BUB1: variants seen among roughly 807,000 people sequenced by gnomAD.
BUB1 encodes the protein BUB1 mitotic checkpoint serine/threonine kinase.
Under a neutral mutation model 135.2 loss-of-function variants are expected in BUB1, and 84 were observed. The ratio of observed to expected loss-of-function variants is 0.62; its 90% CI spans 0.52 to 0.74. The LOEUF is 0.74. Among genes scored for constraint, BUB1 ranks in the 30% least tolerant of loss-of-function variants. BUB1 has a pLI of 0.00. For synonymous variants in BUB1, 403 were observed against 434.4 expected (o/e 0.93, Z 0.90); for missense variants, 1,162 against 1,288.3 (o/e 0.90, Z 1.50).
chr2:110,667,687 C>G lies in BUB1; in HGVS notation c.639G>C (p.Thr213=). The G allele has an allele frequency of 6.2e-7, 1 of 1,612,950 alleles. No individual in the cohort carries two copies. Among genetic ancestry groups the G allele is most frequent in the Non-Finnish European group, 8.5e-7 (1 of 1,179,654 alleles). ...GCACAGAATATTCTGATTTAGAAAT[C>G]GTGATCACTCTTCGTTCCCTACAAT... is the stretch of plus-strand genomic sequence containing the variant. ...KESNMERRVI[T]ISKSEYSVHS... The change falls in exon 8 of 25, where the codon ACG becomes ACC. Residue 213 remains threonine (T), a synonymous_variant. Transcript: ENST00000302759.
intron 16 of BUB1, among the ~76,000 whole-genome samples, chr2:110,654,531 C>T (rs572842217): frequency 6.6e-6 from 1 of 151,850 alleles, no homozygotes; most frequent in Non-Finnish European, 1.5e-5. Context: ...TTTTGTTTAT[C>T]GAGCCAAAGT....
chr2:110,676,361 G>C (rs747739636), intron 1 of BUB1, among the ~76,000 whole-genome samples: 2 of 152,162 alleles, frequency 1.3e-5, no homozygotes, highest in African/African-American at 2.4e-5. Context: ...TTGTGTAGGT[G>C]CAGCAATAAG....
chr2:110,676,160 T>G (rs910532121), intron 1 of BUB1, among the ~76,000 whole-genome samples: 1 of 151,746 alleles, frequency 6.6e-6, no homozygotes, highest in Non-Finnish European at 1.5e-5. Context: ...CAATGAGCTT[T>G]TAGAAGCTGA....
At position 110,641,446 on chromosome 2, in the gene BUB1, T is replaced by C; in HGVS notation, c.2644A>G (p.Lys882Glu). ...GTLLNAINLY[K>E]NTPEKVMPQG... ...GGCATCACTTTTTCAGGGGTATTTT[T>C]ATAGAGGTTAATGGCATTCTAGGAA... The change falls in exon 22 of 25, where the codon AAA becomes GAA. Residue 882 changes from lysine (K) to glutamate (E), a missense_variant. Transcript: ENST00000302759. The C allele has an allele frequency of 6.2e-7, 1 of 1,612,360 alleles. No individual in the cohort carries two copies. The highest frequency in any genetic ancestry group is 8.5e-7 in the Non-Finnish European group (1 of 1,179,546).
intron 4 of BUB1, 53 bp from the exon 5 acceptor site, chr2:110,670,621 G>C (rs778760012): frequency 3.8e-6 from 6 of 1,564,410 alleles, no homozygotes; most frequent in Non-Finnish European, 5.3e-6. Flanking sequence ...ACAGTACATA[G>C]CTGTTAGAGT....
At chr2:110,672,573 T>C in intron 4 of BUB1, 88 bp downstream of exon 4, 1 of 1,366,986 alleles carries the variant, frequency 7.3e-7, no homozygotes, top group Non-Finnish European at 9.9e-7. Context: ...AGGATTTCCC[T>C]GTACAAATTG....
At chr2:110,645,815 G>T (rs1291919201) in intron 19 of BUB1, among the ~76,000 whole-genome samples, 2 of 151,996 alleles carry the variant, frequency 1.3e-5, no homozygotes, top group Non-Finnish European at 2.9e-5. Flanking sequence ...TGATCCTATT[G>T]CCTTGGCTCC....
At chr2:110,655,696 C>A in intron 16 of BUB1, 43 bp downstream of exon 16, 1 of 1,443,256 alleles carries the variant, frequency 6.9e-7, no homozygotes, top group Non-Finnish European at 9.3e-7. Flanking sequence ...CTGAAAGAAT[C>A]AAAGTTGGCA....
chr2:110,658,280 A>T, intron 13 of BUB1, 130 bp downstream of exon 13: 1 of 678,534 alleles, frequency 1.5e-6, no homozygotes, highest in Non-Finnish European at 2.4e-6. Context: ...TCTTATTTTT[A>T]TTTCATGCAT....
intron 16 of BUB1, among the ~76,000 whole-genome samples, chr2:110,655,067 C>A (rs1689891442): frequency 6.6e-6 from 1 of 152,066 alleles, no homozygotes; most frequent in Non-Finnish European, 1.5e-5. Context: ...TAGGTTGGTA[C>A]TTAATAGTTA....
intron 11 of BUB1, among the ~76,000 whole-genome samples, chr2:110,659,735 T>C (rs1295225869): frequency 6.6e-6 from 1 of 152,194 alleles, no homozygotes; most frequent in African/African-American, 2.4e-5. Context: ...TCCTGAGAAA[T>C]TTACTAGAAA....
chr2:110,640,932 CA>C lies in BUB1; in HGVS notation c.2955+101del, dbSNP rs869030773. Reference sequence around the variant, plus strand: ...GCTCATCTCTCCTTCAACTGCTCCTCAAAAGACCACCTCAAACTACCTAGAT... The same window carrying C: ...GCTCATCTCTCCTTCAACTGCTCCTCAAAGACCACCTCAAACTACCTAGAT... On this transcript the variant is annotated intron_variant, in intron 23 of 24. Transcript: ENST00000302759. 21 of 1,285,222 alleles carry C rather than the reference CA, an allele frequency of 1.6e-5. No homozygotes were observed. The East Asian group carries it at 5.1e-4, about 32-fold the overall frequency. The allele number at this position is 1,285,222 out of a possible 1,614,324, so 79.6% of individuals were successfully genotyped here. A position where few individuals can be genotyped will look rare whatever the true frequency, so the allele number is the denominator to read the frequency against.
At chr2:110,661,894 C>A in intron 9 of BUB1, 53 bp from the exon 10 acceptor site, 1 of 1,582,176 alleles carries the variant, frequency 6.3e-7, no homozygotes, top group Non-Finnish European at 8.6e-7. Context: ...GTCCAGAATA[C>A]TACTAATCAG....
chr2:110,647,769 T>A (rs780724570), intron 19 of BUB1, among the ~76,000 whole-genome samples: 21 of 152,174 alleles, frequency 1.4e-4, no homozygotes, highest in Non-Finnish European at 1.6e-4. Flanking sequence ...TCACTGAAGA[T>A]ATACTGATGG....
At chr2:110,643,985 T>C (rs563493717) in intron 19 of BUB1, among the ~76,000 whole-genome samples, 3 of 127,582 alleles carry the variant, frequency 2.4e-5, no homozygotes, top group Admixed American at 1.0e-4. Context: ...GACTCACCAA[T>C]AGACTATACA....
intron 18 of BUB1, 130 bp downstream of exon 18, chr2:110,650,416 T>TTCA: frequency 1.3e-6 from 1 of 777,162 alleles, no homozygotes; most frequent in Non-Finnish European, 2.1e-6. Flanking sequence ...TTATGCAAGT[T>TTCA]TCATCTGAAC....
chr2:110,650,708 GC>G lies in BUB1; in HGVS notation c.2040del (p.Gln680HisfsTer46), dbSNP rs1689762484. Reference sequence around the variant, plus strand: ...CAGGTAAGTACCCCACCTGCAGCAGGCTGGCTCAGACGAAGTAAGGATGCTG... The same window carrying G: ...CAGGTAAGTACCCCACCTGCAGCAGGTGGCTCAGACGAAGTAAGGATGCTG... ...MYSASLLRLS[Q>X]PAAGGVLTCE... On this transcript the variant is annotated frameshift_variant, in exon 18 of 25. Transcript: ENST00000302759. LOFTEE classifies it high-confidence loss of function. 1 of 1,613,888 alleles carries G rather than the reference GC, an allele frequency of 6.2e-7. No individual in the cohort carries two copies.
rs191292475 is a variant in BUB1 at position 110,638,014 on chromosome 2, G to A, written c.3208C>T (p.Arg1070Cys). 1.6e-5 allele frequency: 25 copies of A among 1,593,842 alleles called. No individual in the cohort carries two copies. In the East Asian group the frequency reaches 1.8e-4, roughly 12 times the overall value. The stretch of plus-strand genomic sequence containing the variant: ...AAGAGCAGTACAATTAGCCTATTAC[G>A]TAGGGCCCTAATCTTGTTAGTATAG... ...QHYTNKIRAL[R>C]NRLIVLLLEC... is the part of the protein sequence containing the mutation. The change falls in exon 25 of 25, where the codon CGT becomes TGT. Residue 1070 changes from arginine to cysteine, a missense_variant. By Grantham distance (180) the Arg-to-Cys change is radical (BLOSUM62 -3). Coordinates refer to ENST00000302759, the MANE Select transcript of BUB1 (RefSeq NM_004336.5).
At chr2:110,645,585 ATG>A (rs141013722) in intron 19 of BUB1, among the ~76,000 whole-genome samples, 559 of 145,606 alleles carry the variant, frequency 3.8e-3, no homozygotes, top group Middle Eastern at 7.0e-3. Context: ...CGTTACGTGT[ATG>A]TGTGTGTGTG....
Sources: allele counts gnomAD v4.1 joint callset (sites outside exome capture counted in the v4.1 genomes callset), GRCh38; gene constraint gnomAD v4.1.1; transcripts MANE v1.5; gene names NCBI Gene and HGNC (gene_info 2026-07-23, HGNC 2026-07-21).